The following ABCB11 variants were observed in gnomAD, a reference collection of about 807,000 sequenced individuals.
The protein encoded by ABCB11 is bile salt export pump.
ABCB11 carries 95 observed loss-of-function variants against 148.0 expected under a neutral mutation model. The observed-to-expected ratio is 0.64, with a 90% CI of 0.54 to 0.76. ABCB11 has a LOEUF of 0.76. Among genes scored for constraint, ABCB11 ranks in the 30% least tolerant of loss-of-function variants. ABCB11 has a pLI of 0.00. For synonymous variants in ABCB11, 591 were observed against 555.4 expected, an observed-to-expected ratio of 1.06 and a Z score of -0.90; for missense variants, 1,523 against 1,617.8, an observed-to-expected ratio of 0.94 and a Z score of 1.01.
At position 168,968,434 on chromosome 2, in the gene ABCB11, T is replaced by C; in HGVS notation, c.2068A>G (p.Ser690Gly). The C allele has an allele frequency of 6.2e-7, 1 of 1,610,756 alleles. No homozygotes were observed. Among genetic ancestry groups the C allele is most frequent in the Non-Finnish European group, 8.5e-7 (1 of 1,178,294 alleles). ...CCCATGGCTTGAGCTTACCTTAAAC[T>C]ATCCTGGTAGCTCCCTCTGCTAAAG... ...RTFSRGSYQD[S>G]LRASIRQRSK... is the part of the protein sequence containing the mutation. Residue 690 changes from serine (S) to glycine (G), a missense_variant, in exon 17 of 28, where the codon AGT (serine) becomes GGT (glycine). Ser to Gly is a moderately conservative substitution (Grantham distance 56). Coordinates refer to ENST00000650372, the MANE Select transcript of ABCB11 (RefSeq NM_003742.4).
intron 19 of ABCB11, among the ~76,000 whole-genome samples, chr2:168,951,584 C>A (rs759862405): frequency 6.6e-5 from 10 of 151,434 alleles, no homozygotes; most frequent in Non-Finnish European, 1.3e-4. Context: ...CTATTGATTT[C>A]TGTAAATTAA....
intron 19 of ABCB11, among the ~76,000 whole-genome samples, chr2:168,949,679 C>T (rs1692473339): frequency 6.6e-6 from 1 of 151,498 alleles, no homozygotes; most frequent in Non-Finnish European, 1.5e-5. Context: ...ATCTTTTTGA[C>T]ATAATGACTT....
chr2:169,011,934 C>G (rs547951683), intron 5 of ABCB11, among the ~76,000 whole-genome samples: 2 of 152,070 alleles, frequency 1.3e-5, no homozygotes, highest in African/African-American at 4.8e-5. Flanking sequence ...CAGAGTGTTA[C>G]GATTACAGGC....
chr2:168,966,864 C>T (rs373288078), intron 17 of ABCB11, among the ~76,000 whole-genome samples: 9 of 149,352 alleles, frequency 6.0e-5, no homozygotes, highest in African/African-American at 1.7e-4. Context: ...GTGTGTAGAT[C>T]GTATTTCTGG....
intron 4 of ABCB11, 34 bp downstream of exon 4, chr2:169,014,269 C>T: frequency 1.3e-6 from 2 of 1,593,412 alleles, no homozygotes; most frequent in South Asian, 1.1e-5. Context: ...TATAGCTGCA[C>T]ACCCACTGCC....
At chr2:168,974,657 G>T (rs72623174) in intron 12 of ABCB11, among the ~76,000 whole-genome samples, 1 of 151,840 alleles carries the variant, frequency 6.6e-6, no homozygotes, top group Admixed American at 6.6e-5. Context: ...CACACAGAGG[G>T]TTAAAAACAT....
intron 19 of ABCB11, among the ~76,000 whole-genome samples, chr2:168,951,478 T>G (rs943652566): frequency 3.3e-5 from 5 of 151,688 alleles, no homozygotes; most frequent in African/African-American, 1.2e-4. Context: ...CCTCTTTGCT[T>G]AAATATATTC....
chr2:169,017,172 G>C (rs1695388531), intron 2 of ABCB11, among the ~76,000 whole-genome samples: 1 of 134,338 alleles, frequency 7.4e-6, no homozygotes, highest in African/African-American at 3.2e-5. Context: ...TTTATTGTCT[G>C]GTTCTTTAAA....
At chr2:168,988,589 T>A (rs60897043) in intron 9 of ABCB11, among the ~76,000 whole-genome samples, 19,130 of 152,154 alleles carry the variant, frequency 0.13, 1,974 homozygotes, top group African/African-American at 0.28. Context: ...GAGTACAGTT[T>A]TCTCTTGACA....
intron 25 of ABCB11, among the ~76,000 whole-genome samples, chr2:168,928,222 G>T (rs187366743): frequency 6.6e-6 from 1 of 152,090 alleles, no homozygotes; most frequent in Admixed American, 6.5e-5. Flanking sequence ...GGCTTATCTT[G>T]CTCTACTCAT....
chr2:168,961,614 G>A (rs1693080276), intron 18 of ABCB11, among the ~76,000 whole-genome samples: 1 of 151,720 alleles, frequency 6.6e-6, no homozygotes, highest in Non-Finnish European at 1.5e-5. Context: ...CCTTTAGCCT[G>A]TGGGTTTCCC....
chr2:168,924,228 A>G (rs1198996161), intron 27 of ABCB11, among the ~76,000 whole-genome samples: 12 of 152,160 alleles, frequency 7.9e-5, no homozygotes, highest in Non-Finnish European at 1.3e-4. Context: ...TACATTTTAA[A>G]TTTCATAATT....
chr2:168,936,388 C>A lies in ABCB11; in HGVS notation c.2656G>T (p.Val886Phe). The A allele has an allele frequency of 2.5e-6, 4 of 1,613,850 alleles. No individual in the cohort carries two copies. Among genetic ancestry groups the A allele is most frequent in the Non-Finnish European group, 3.4e-6 (4 of 1,179,868 alleles). Residue 886 changes from valine (V) to phenylalanine (F), a missense_variant, in exon 22 of 28, where the codon GTC becomes TTC. By Grantham distance (50) the Val-to-Phe change is conservative. Coordinates refer to ENST00000650372, the MANE Select transcript of ABCB11 (RefSeq NM_003742.4). ...IGMIVNSFTNVTVAMIIAFSF... is the reference protein window; with the variant it reads ...IGMIVNSFTNFTVAMIIAFSF... ...AAGGCAATGATCATGGCCACAGTGA[C>A]GTTAGTGAAGGAATTGACTATCATC...
In ABCB11 at chr2:168,923,395, T is replaced by A. The variant is rs1279079355; in HGVS notation, c.*227A>T. On this transcript the variant is annotated 3_prime_UTR_variant, in exon 28 of 28. Coordinates refer to ENST00000650372, the MANE Select transcript of ABCB11 (RefSeq NM_003742.4). Reference sequence around the variant, plus strand: ...ATTGGGTTTTCCCTCATATGGACCCTAGTTTCTTTCATTTTCTGTATACAC... The same window carrying A: ...ATTGGGTTTTCCCTCATATGGACCCAAGTTTCTTTCATTTTCTGTATACAC... The A allele has an allele frequency of 1.4e-5, 8 of 590,656 alleles. No homozygotes were observed. Among genetic ancestry groups the A allele is most frequent in the Admixed American group, 3.0e-5 (1 of 33,260 alleles). 36.6% of individuals were successfully genotyped at this position (590,656 alleles called of 1,614,324 possible).
At chr2:168,916,962 A>G (rs914227671), downstream of ABCB11, among the ~76,000 whole-genome samples, 1 of 152,196 alleles carries the variant, frequency 6.6e-6, no homozygotes, top group Non-Finnish European at 1.5e-5. Flanking sequence ...TAAGAAACTG[A>G]TATTTAATTA....
chr2:168,962,540 C>G (rs1305415099), intron 18 of ABCB11, among the ~76,000 whole-genome samples: 1 of 151,638 alleles, frequency 6.6e-6, no homozygotes, highest in East Asian at 2.0e-4. Flanking sequence ...ATGAAAAAGT[C>G]AGATTTTCCT....
chr2:168,956,650 G>A (rs1463789676), intron 19 of ABCB11, among the ~76,000 whole-genome samples: 1 of 151,518 alleles, frequency 6.6e-6, no homozygotes, highest in East Asian at 2.0e-4. Flanking sequence ...CTCTCTCCTT[G>A]AAGCAGTGCA....
chr2:169,000,385 T>C (rs1032716133), intron 5 of ABCB11, among the ~76,000 whole-genome samples: 1 of 152,150 alleles, frequency 6.6e-6, no homozygotes, highest in Non-Finnish European at 1.5e-5. Flanking sequence ...CCCTAGAACA[T>C]GAAAATGGTC....
chr2:168,972,953 T>C (rs1245516084), intron 13 of ABCB11, among the ~76,000 whole-genome samples: 1 of 152,024 alleles, frequency 6.6e-6, no homozygotes, highest in Middle Eastern at 3.2e-3. Flanking sequence ...TTGGGGGTCA[T>C]TGTGACAATA....
Sources: gnomAD v4.1 joint callset for allele counts (sites outside exome capture counted in the v4.1 genomes callset) on GRCh38, gnomAD v4.1.1 for gene constraint, MANE v1.5 for transcripts, NCBI Gene and HGNC (gene_info 2026-07-23, HGNC 2026-07-21) for gene names.